IL12RB2: variants seen among roughly 807,000 people sequenced by gnomAD.
IL12RB2 encodes interleukin 12 receptor subunit beta 2.
Under a neutral mutation model 89.4 loss-of-function variants are expected in IL12RB2, and 82 were observed. The observed-to-expected ratio is 0.92, with a 90% CI of 0.77 to 1.10. The LOEUF (loss-of-function observed/expected upper bound fraction) is 1.10. Ranked by LOEUF, IL12RB2 falls within the 50% of genes least tolerant of loss-of-function variation. The pLI is 0.00. For synonymous variants in IL12RB2, 368 were observed against 370.1 expected, an observed-to-expected ratio of 0.99 and a Z score of 0.07; for missense variants, 963 against 1,031.9, an observed-to-expected ratio of 0.93 and a Z score of 0.92.
chr1:67,338,198 A>G (rs1302006357), intron 8 of IL12RB2, among the ~76,000 whole-genome samples: 2 of 151,718 alleles, frequency 1.3e-5, no homozygotes, highest in African/African-American at 4.8e-5. Context: ...GCGTGGTGGT[A>G]CGCACCTGTA....
intron 6 of IL12RB2, 94 bp downstream of exon 6, chr1:67,328,478 T>C (rs1285878087): frequency 5.0e-6 from 8 of 1,590,856 alleles, no homozygotes; most frequent in Non-Finnish European, 6.8e-6. Context: ...AAGACAGAGA[T>C]TGATGGAAAT....
At chr1:67,323,492 A>G (rs1189579985) in intron 4 of IL12RB2, among the ~76,000 whole-genome samples, 1 of 152,202 alleles carries the variant, frequency 6.6e-6, no homozygotes, top group African/African-American at 2.4e-5. Flanking sequence ...GACCTCTTAT[A>G]TGCAAAGTGC....
At position 67,321,809 on chromosome 1, in the gene IL12RB2, G is replaced by A; in HGVS notation, c.284G>A (p.Gly95Asp). 1.2e-6 allele frequency: 2 copies of A among 1,612,596 alleles called. No individual in the cohort carries two copies. Among genetic ancestry groups the A allele is most frequent in the Non-Finnish European group, 1.7e-6 (2 of 1,178,708 alleles). ...TCTCAAGTCACAGGTCTTCCCCTTG[G>A]TACAACCTTGTTTGTCTGCAAACTG... ...LNSQVTGLPL[G>D]TTLFVCKLAC... Residue 95 changes from glycine (G) to aspartate (D), a missense_variant, in exon 4 of 17, where the codon GGT becomes GAT. Coordinates refer to ENST00000674203, the MANE Select transcript of IL12RB2 (RefSeq NM_001374259.2).
At chr1:67,347,560 A>G (rs150304502) in intron 9 of IL12RB2, among the ~76,000 whole-genome samples, 4 of 152,344 alleles carry the variant, frequency 2.6e-5, no homozygotes, top group Non-Finnish European at 5.9e-5. Flanking sequence ...GAACTCTTAC[A>G]GTAGGTTTAC....
At position 67,388,217 on chromosome 1, in the gene IL12RB2, A is replaced by G. The variant is rs190360118; in HGVS notation, c.1946+1548A>G. Among the ~76,000 whole-genome samples, 21 of 152,306 alleles carry G rather than the reference A, an allele frequency of 1.4e-4. No individual in the cohort carries two copies. In the East Asian group the frequency reaches 2.7e-3, roughly 20 times the overall value. On this transcript the variant is annotated intron_variant, in intron 15 of 16. Transcript: ENST00000674203. ...TGAGGTAGAGCTGCAAGAAAAGAAA[A>G]CAAAACTGTGGTACTTCAGCCAAGT...
intron 15 of IL12RB2, among the ~76,000 whole-genome samples, chr1:67,388,427 C>G (rs979850904): frequency 1.3e-5 from 2 of 152,156 alleles, no homozygotes; most frequent in South Asian, 4.1e-4. Flanking sequence ...CTCACTGCAG[C>G]CTCTGCTTCC....
intron 13 of IL12RB2, among the ~76,000 whole-genome samples, chr1:67,377,864 G>A (rs1363137878): frequency 1.3e-5 from 2 of 152,080 alleles, no homozygotes; most frequent in African/African-American, 4.8e-5. Flanking sequence ...GGTGGCTCAC[G>A]CCTGTAATCC....
chr1:67,376,508 C>T (rs72678547), intron 13 of IL12RB2, among the ~76,000 whole-genome samples: 2,494 of 152,272 alleles, frequency 0.016, 25 homozygotes, highest in Non-Finnish European at 0.026. Flanking sequence ...AGTTTTCAGA[C>T]CGCCAAGGAT....
intron 8 of IL12RB2, among the ~76,000 whole-genome samples, chr1:67,336,238 A>C (rs1039589496): frequency 6.6e-6 from 1 of 152,198 alleles, no homozygotes; most frequent in African/African-American, 2.4e-5. Context: ...TACCAGACCC[A>C]GGTCTTTTGT....
At chr1:67,381,697 C>T (rs1418245507) in intron 14 of IL12RB2, among the ~76,000 whole-genome samples, 3 of 149,276 alleles carry the variant, frequency 2.0e-5, no homozygotes, top group East Asian at 2.0e-4. Flanking sequence ...ACCCAGGAGG[C>T]GGAGCTTGCA....
At position 67,396,007 on chromosome 1, in the gene IL12RB2, C is replaced by G. The variant is rs147267211; in HGVS notation, c.2507C>G (p.Ser836Cys). 59 of 1,605,418 alleles carry G rather than the reference C, an allele frequency of 3.7e-5. No homozygotes were observed. The highest frequency in any genetic ancestry group is 4.9e-5 in the Non-Finnish European group (57 of 1,171,922). The change falls in exon 17 of 17, where the codon TCT becomes TGT. Residue 836 changes from serine to cysteine, a missense_variant. Coordinates refer to ENST00000674203, the MANE Select transcript of IL12RB2 (RefSeq NM_001374259.2). The stretch of plus-strand genomic sequence containing the variant: ...TCCCTTTCTGTTTTCCCCTCAAGTT[C>G]TCTTCACCCACTCACCTTCTCCTGT... The part of the protein sequence containing the change: ...HISLSVFPSS[S>C]LHPLTFSCGD...
intron 13 of IL12RB2, 143 bp downstream of exon 13, chr1:67,372,926 T>G: frequency 1.4e-6 from 1 of 720,772 alleles, no homozygotes; most frequent in Non-Finnish European, 2.6e-6. Context: ...ACTTGTAAAG[T>G]TAACTGAATG....
rs1196058899 is a variant in IL12RB2, at chr1:67,330,645, A to C, written c.808-15A>C. 3.6e-6 allele frequency: 5 copies of C among 1,390,214 alleles called. No individual in the cohort carries two copies. In the South Asian group the frequency reaches 5.8e-5, roughly 16 times the overall value. The allele number at this position is 1,390,214 out of a possible 1,614,324, so 86.1% of individuals were successfully genotyped here. ...CTAGTATTAATAGGCACTTTAAAAAAATGTCTGTTTCAAGGTTAATGTTAC... is the reference window on the plus strand; with the variant it reads ...CTAGTATTAATAGGCACTTTAAAAACATGTCTGTTTCAAGGTTAATGTTAC... On this transcript the variant is annotated splice_polypyrimidine_tract_variant and intron_variant, in intron 7 of 16. Coordinates refer to ENST00000674203, the MANE Select transcript of IL12RB2 (RefSeq NM_001374259.2).
rs149208943 is a variant in IL12RB2 at position 67,351,224 on chromosome 1, C to CTT, written c.1258+143_1258+144dup. On this transcript the variant is annotated intron_variant, in intron 10 of 16. Coordinates refer to ENST00000674203, the MANE Select transcript of IL12RB2 (RefSeq NM_001374259.2). Reference sequence around the variant, plus strand: ...CTTTGGAGTCAACAGCTTTCAGAGGCTTTTTTTTTCTTTTCCAATCAGCCT... The same window carrying CTT: ...CTTTGGAGTCAACAGCTTTCAGAGGCTTTTTTTTTTTCTTTTCCAATCAGCCT... The CTT allele has an allele frequency of 9.0e-6, 13 of 1,439,310 alleles. No individual in the cohort carries two copies. The African/African-American group carries it at 1.9e-4, about 21-fold the overall frequency. 89.2% of individuals were successfully genotyped at this position (1,439,310 alleles called of 1,614,324 possible).
At chr1:67,309,454 T>C (rs746050317) in intron 1 of IL12RB2, among the ~76,000 whole-genome samples, 8 of 152,202 alleles carry the variant, frequency 5.3e-5, no homozygotes, top group Non-Finnish European at 1.2e-4. Flanking sequence ...CCTATTTCTC[T>C]GTCCAACACA....
chr1:67,370,092 A>G (rs2100998643), intron 11 of IL12RB2, among the ~76,000 whole-genome samples: 1 of 152,158 alleles, frequency 6.6e-6, no homozygotes, highest in African/African-American at 2.4e-5. Context: ...TCCTGCTTGG[A>G]AACACTTGGT....
chr1:67,307,944 G>T lies in IL12RB2; in HGVS notation c.-148G>T, dbSNP rs1176767262. 6.6e-6 allele frequency: 1 copy of T among 151,988 alleles called. No individual in the cohort carries two copies. The highest frequency in any genetic ancestry group is 1.5e-5 in the Non-Finnish European group (1 of 68,022). The allele number at this position is 151,988 out of a possible 1,614,324, so 9.4% of individuals were successfully genotyped here. On this transcript the variant is annotated 5_prime_UTR_variant, in exon 1 of 17. Transcript: ENST00000674203. ...ACCCGGTCCCCGCAGGCCCGGGACC[G>T]CGCCCGCTGGCAGGCGACACGTGGT...
chr1:67,334,935 G>A (rs546345064), intron 8 of IL12RB2, among the ~76,000 whole-genome samples: 1 of 152,118 alleles, frequency 6.6e-6, no homozygotes, highest in Admixed American at 6.5e-5. Flanking sequence ...CTTTTTGCTT[G>A]AGGCTTGAGA....
intron 9 of IL12RB2, among the ~76,000 whole-genome samples, chr1:67,342,763 T>TTC (rs1336398734): frequency 6.8e-6 from 1 of 146,206 alleles, no homozygotes; most frequent in Non-Finnish European, 1.5e-5. Flanking sequence ...AATCACACCT[T>TTC]TTTTTTTTTT....
Sources: gnomAD v4.1 joint callset for allele counts (sites outside exome capture counted in the v4.1 genomes callset) on GRCh38, gnomAD v4.1.1 for gene constraint, MANE v1.5 for transcripts, NCBI Gene and HGNC (gene_info 2026-07-23, HGNC 2026-07-21) for gene names.